TCP11L2: variants seen among roughly 807,000 people sequenced by gnomAD.
The protein encoded by TCP11L2 is T-complex protein 11-like protein 2.
A neutral mutation model predicts 50.7 loss-of-function variants in TCP11L2; 39 were observed. The observed-to-expected ratio is 0.77, with a 90% CI of 0.60 to 1.01. TCP11L2 has a LOEUF of 1.01. Ranked by LOEUF, TCP11L2 falls within the 50% of genes least tolerant of loss-of-function variation. The pLI is 0.00. For synonymous variants in TCP11L2, 192 were observed against 219.3 expected (o/e 0.88, Z 1.10); for missense variants, 612 against 614.7 (o/e 1.00, Z 0.05).
chr12:106,329,447 A>G (rs958667297), intron 6 of TCP11L2: 4 of 1,534,076 alleles, frequency 2.6e-6, no homozygotes, highest in African/African-American at 1.4e-5. Flanking sequence ...AGAAGAGCCA[A>G]CGTTTCACTC....
intron 3 of TCP11L2, among the ~76,000 whole-genome samples, chr12:106,317,770 C>T (rs941482038): frequency 5.3e-5 from 8 of 152,316 alleles, no homozygotes; most frequent in East Asian, 1.9e-4. Context: ...TGTATTTTAA[C>T]GTGCACCTAT....
chr12:106,318,030 A>T (rs564356400), intron 3 of TCP11L2, among the ~76,000 whole-genome samples: 1 of 152,370 alleles, frequency 6.6e-6, no homozygotes, highest in South Asian at 2.1e-4. Context: ...AAGTCTAAAG[A>T]TCTATATAGA....
intron 1 of TCP11L2, among the ~76,000 whole-genome samples, chr12:106,310,236 C>T (rs1346102941): frequency 6.6e-6 from 1 of 152,178 alleles, no homozygotes; most frequent in Non-Finnish European, 1.5e-5. Flanking sequence ...AGTAAATCCC[C>T]TTATCCCTCT....
chr12:106,345,722 G>A (rs1201270662), intron 9 of TCP11L2, among the ~76,000 whole-genome samples: 1 of 151,856 alleles, frequency 6.6e-6, no homozygotes, highest in Non-Finnish European at 1.5e-5. Context: ...AAAAAAATAA[G>A]CATTTATTAT....
intron 9 of TCP11L2, among the ~76,000 whole-genome samples, chr12:106,343,742 C>T (rs2136840183): frequency 6.6e-6 from 1 of 151,676 alleles, no homozygotes; most frequent in African/African-American, 2.4e-5. Context: ...GCAACCTCTG[C>T]CTCCTGGGTT....
In TCP11L2 at chr12:106,308,212, CAGAACTTCT is replaced by C. The variant is rs201918433; in HGVS notation, c.-35-2826_-35-2818del. ...ACTGCCATAAGCACATTTAATTTCT[CAGAACTTCT>C]AGTGATGCCTCATGGAACTCTGGGT... On this transcript the variant is annotated intron_variant, in intron 1 of 9. Transcript: ENST00000299045. Among the ~76,000 whole-genome samples the C allele has an allele frequency of 9.8e-4, 150 of 152,292 alleles. 1 individual carries two copies. In the East Asian group the frequency reaches 0.014, roughly 14 times the overall value.
intron 6 of TCP11L2, among the ~76,000 whole-genome samples, chr12:106,328,518 T>A (rs532863827): frequency 2.0e-5 from 3 of 152,338 alleles, no homozygotes; most frequent in Admixed American, 6.5e-5. Flanking sequence ...CACTCCAGCC[T>A]GGGCGACAGA....
chr12:106,331,006 A>G (rs2035729335), intron 6 of TCP11L2, among the ~76,000 whole-genome samples: 1 of 152,200 alleles, frequency 6.6e-6, no homozygotes, highest in Non-Finnish European at 1.5e-5. Flanking sequence ...TATCCAGAAG[A>G]ATTGAACTTG....
chr12:106,319,373 G>A (rs2035249199), intron 4 of TCP11L2, among the ~76,000 whole-genome samples: 1 of 152,122 alleles, frequency 6.6e-6, no homozygotes, highest in Admixed American at 6.5e-5. Context: ...AACTATAGCA[G>A]TTTTTTCCCC....
At chr12:106,310,913 T>G in intron 1 of TCP11L2, 128 bp from the exon 2 acceptor site, 22 of 766,418 alleles carry the variant, frequency 2.9e-5, no homozygotes, top group Admixed American at 2.9e-5. Flanking sequence ...GGGGGAAGGA[T>G]GAGGTCATCT....
intron 9 of TCP11L2, among the ~76,000 whole-genome samples, chr12:106,341,471 T>C (rs1347648741): frequency 6.6e-6 from 1 of 152,252 alleles, no homozygotes; most frequent in Non-Finnish European, 1.5e-5. Context: ...AAAGTCAAGC[T>C]GTGTTGGTGA....
intron 6 of TCP11L2, chr12:106,324,313 G>A (rs1328845647): frequency 6.6e-6 from 1 of 152,192 alleles, no homozygotes; most frequent in Admixed American, 6.5e-5. Context: ...GGGACTGCAG[G>A]TACAAAGGCA....
chr12:106,312,297 T>C, intron 2 of TCP11L2: 2 of 523,428 alleles, frequency 3.8e-6, no homozygotes, highest in South Asian at 3.4e-5. Context: ...AAATAGTGCT[T>C]TATGAACATC....
rs1196199002 is a variant in TCP11L2 at position 106,323,519 on chromosome 12, C to G, written c.645C>G (p.Phe215Leu). The G allele has an allele frequency of 1.9e-6, 3 of 1,593,782 alleles. No homozygotes were observed. Among genetic ancestry groups the G allele is most frequent in the Non-Finnish European group, 2.6e-6 (3 of 1,169,264 alleles). ...ATTCTAAAATTTTTAGACAAATATT[C>G]CATGTCCTGGACCTCATGCAAATGG... ...GNIVEVLRQI[F>L]HVLDLMQMDM... The change falls in exon 6 of 10, where the codon TTC becomes TTG. Residue 215 changes from phenylalanine to leucine, a missense_variant. Physicochemically the swap from Phe to Leu is conservative, Grantham distance 22. Transcript: ENST00000299045.
At position 106,346,572 on chromosome 12, in the gene TCP11L2, T is replaced by G. The variant is rs1347319709; in HGVS notation, c.*42T>G. 2 of 1,582,080 alleles carry G rather than the reference T, an allele frequency of 1.3e-6. No homozygotes were observed. Among genetic ancestry groups the G allele is most frequent in the Non-Finnish European group, 1.7e-6 (2 of 1,166,998 alleles). ...GACGAGAGATTGGAAATCCAGTACT[T>G]TGGTATCCAGTCCACTTCCATTGAT... On this transcript the variant is annotated 3_prime_UTR_variant, in exon 10 of 10. Coordinates refer to ENST00000299045, the MANE Select transcript of TCP11L2 (RefSeq NM_152772.3).
intron 6 of TCP11L2, chr12:106,324,515 A>T (rs2035471218): frequency 6.6e-6 from 1 of 152,212 alleles, no homozygotes; most frequent in African/African-American, 2.4e-5. Context: ...AGAGAGTTTT[A>T]ATCAGGGGAG....
At chr12:106,329,241 A>T in intron 6 of TCP11L2, 1 of 1,469,782 alleles carries the variant, frequency 6.8e-7, no homozygotes, top group Non-Finnish European at 9.2e-7. Flanking sequence ...AATCCCCAGT[A>T]CTTGGTACAA....
chr12:106,343,263 C>T (rs917071149), intron 9 of TCP11L2, among the ~76,000 whole-genome samples: 1 of 152,180 alleles, frequency 6.6e-6, no homozygotes, highest in Non-Finnish European at 1.5e-5. Flanking sequence ...CATTTTTAAA[C>T]CTTCTTATGG....
chr12:106,310,463 C>T (rs1162520191), intron 1 of TCP11L2, among the ~76,000 whole-genome samples: 1 of 152,164 alleles, frequency 6.6e-6, no homozygotes, highest in African/African-American at 2.4e-5. Flanking sequence ...TCACAGAAAG[C>T]GTAAAGAGGC....
Sources: gnomAD v4.1 joint callset for allele counts (sites outside exome capture counted in the v4.1 genomes callset) on GRCh38, gnomAD v4.1.1 for gene constraint, MANE v1.5 for transcripts, NCBI Gene and HGNC (gene_info 2026-07-23, HGNC 2026-07-21) for gene names.